The following TLR2 variants were observed in gnomAD, a reference collection of about 807,000 sequenced individuals.
The protein encoded by TLR2 is toll like receptor 2.
TLR2 carries 7 observed loss-of-function variants against 9.1 expected under a neutral mutation model. The observed-to-expected ratio is 0.77, with a 90% CI of 0.44 to 1.44. The LOEUF (loss-of-function observed/expected upper bound fraction) is 1.44, where lower values mean the gene tolerates loss of function less well. TLR2 is among the 40% of genes most tolerant of loss of function. TLR2 has a pLI of 0.01. For missense variants in TLR2, 812 were observed against 904.6 expected, an observed-to-expected ratio of 0.90 and a Z score of 1.31; for synonymous variants, 317 against 344.6, an observed-to-expected ratio of 0.92 and a Z score of 0.89.
At chr4:153,696,239 G>A (rs1035091697) in intron 2 of TLR2, among the ~76,000 whole-genome samples, 16 of 152,152 alleles carry the variant, frequency 1.1e-4, no homozygotes, top group South Asian at 4.1e-4. Context: ...ATTTTGATAG[G>A]AACTGCATTA....
At chr4:153,694,576 A>G (rs1736357169) in intron 2 of TLR2, among the ~76,000 whole-genome samples, 1 of 152,220 alleles carries the variant, frequency 6.6e-6, no homozygotes, top group African/African-American at 2.4e-5. Context: ...GTATATATTT[A>G]TGGGGCACTT....
chr4:153,707,277 A>T (rs1166772198), downstream of TLR2, among the ~76,000 whole-genome samples: 1 of 152,132 alleles, frequency 6.6e-6, no homozygotes, highest in East Asian at 1.9e-4. Flanking sequence ...CCTTAAAAAA[A>T]ATCAGGCTTG....
downstream of TLR2, among the ~76,000 whole-genome samples, chr4:153,709,395 G>A (rs757542878): frequency 4.6e-5 from 7 of 152,194 alleles, no homozygotes; most frequent in Non-Finnish European, 1.0e-4. Flanking sequence ...AAAATGACCA[G>A]TAATTCAAAA....
intron 2 of TLR2, among the ~76,000 whole-genome samples, chr4:153,697,469 C>G (rs1736585383): frequency 6.6e-6 from 1 of 152,084 alleles, no homozygotes; most frequent in Admixed American, 6.6e-5. Flanking sequence ...AATTATGTGG[C>G]TTTCTTTATT....
intron 1 of TLR2, among the ~76,000 whole-genome samples, chr4:153,684,654 G>A (rs1364470171): frequency 3.3e-5 from 5 of 152,328 alleles, no homozygotes; most frequent in African/African-American, 1.2e-4. Context: ...GAGCCCGAGG[G>A]TCCTGCAGAG....
At chr4:153,692,548 T>TG (rs1324541508) in intron 2 of TLR2, among the ~76,000 whole-genome samples, 1 of 152,160 alleles carries the variant, frequency 6.6e-6, no homozygotes, top group African/African-American at 2.4e-5. Flanking sequence ...TCCTAAACCT[T>TG]GGTGGGAACT....
At chr4:153,702,790 GTGTGTGTGTGTGTGTGTT>G in intron 2 of TLR2, 84 bp from the exon 3 acceptor site, 1 of 636,246 alleles carries the variant, frequency 1.6e-6, no homozygotes. Context: ...GTGTGTGTGT[GTGTGTGTGTGTGTGTGTT>G]ATGCCTAGAA....
At chr4:153,694,170 G>A (rs1736325572) in intron 2 of TLR2, among the ~76,000 whole-genome samples, 1 of 152,240 alleles carries the variant, frequency 6.6e-6, no homozygotes, top group Non-Finnish European at 1.5e-5. Flanking sequence ...ACAAAGCGAT[G>A]GGCTCTGGCT....
In TLR2 at chr4:153,704,800, C is replaced by T. The variant is rs139028096; in HGVS notation, c.1893C>T (p.Pro631=). The T allele has an allele frequency of 3.7e-6, 6 of 1,613,972 alleles. No homozygotes were observed. The highest frequency in any genetic ancestry group is 3.4e-6 in the Non-Finnish European group (4 of 1,179,982). Residue 631 remains proline, a synonymous_variant, in exon 3 of 3, where the codon CCC becomes CCT. Transcript: ENST00000642700. ...CCTGGCTCCAGGCCAAAAGGAAGCCCAGGAAAGCTCCCAGCAGGAACATCT... is the reference window on the plus strand; with the variant it reads ...CCTGGCTCCAGGCCAAAAGGAAGCCTAGGAAAGCTCCCAGCAGGAACATCT... The part of the protein sequence containing the change: ...MWAWLQAKRK[P]RKAPSRNICY...
chr4:153,704,555 G>A lies in TLR2; in HGVS notation c.1648G>A (p.Ala550Thr), dbSNP rs1222353554. 1.2e-6 allele frequency: 2 copies of A among 1,613,752 alleles called. No homozygotes were observed. The highest frequency in any genetic ancestry group is 1.1e-5 in the South Asian group (1 of 91,056). ...EFLSFTQEQQ[A>T]LAKVLIDWPA... The stretch of plus-strand genomic sequence containing the variant: ...CCTCTCCTTCACTCAGGAGCAGCAA[G>A]CACTGGCCAAAGTCTTGATTGATTG... Residue 550 changes from alanine to threonine, a missense_variant, in exon 3 of 3, where the codon GCA becomes ACA. Physicochemically the swap from Ala to Thr is moderately conservative, Grantham distance 58. Coordinates refer to ENST00000642700, the MANE Select transcript of TLR2 (RefSeq NM_001318789.2).
downstream of TLR2, among the ~76,000 whole-genome samples, chr4:153,706,701 C>A (rs969051503): frequency 3.9e-5 from 6 of 152,216 alleles, no homozygotes; most frequent in Non-Finnish European, 5.9e-5. Context: ...GAGCCTTTGA[C>A]CCCTGCTCAA....
chr4:153,685,885 C>T (rs764775518), intron 1 of TLR2, among the ~76,000 whole-genome samples: 46 of 152,124 alleles, frequency 3.0e-4, no homozygotes, highest in Admixed American at 1.2e-3. Context: ...TAACAAAATA[C>T]CTGAGACTGG....
At position 153,703,170 on chromosome 4, in the gene TLR2, T is replaced by C. The variant is rs370767436; in HGVS notation, c.263T>C (p.Ile88Thr). The C allele has an allele frequency of 2.5e-6, 4 of 1,614,222 alleles. No homozygotes were observed. Among genetic ancestry groups the C allele is most frequent in the Middle Eastern group, 1.6e-4 (1 of 6,062 alleles). The change falls in exon 3 of 3, where the codon ATT becomes ACT. Residue 88 changes from isoleucine to threonine, a missense_variant. Transcript: ENST00000642700. Reference sequence around the variant, plus strand: ...GCTCTGGTGCTGACATCCAATGGAATTAACACAATAGAGGAAGATTCTTTT... The same window carrying C: ...GCTCTGGTGCTGACATCCAATGGAACTAACACAATAGAGGAAGATTCTTTT... Reference protein sequence around the residue: ...LQALVLTSNGINTIEEDSFSS... With the variant: ...LQALVLTSNGTNTIEEDSFSS...
chr4:153,704,833 T>G lies in TLR2; in HGVS notation c.1926T>G (p.Asp642Glu). ...CTCCCAGCAGGAACATCTGCTATGA[T>G]GCATTTGTTTCTTACAGTGAGCGGG... is the stretch of plus-strand genomic sequence containing the variant. Reference protein sequence around the residue: ...RKAPSRNICYDAFVSYSERDA... With the variant: ...RKAPSRNICYEAFVSYSERDA... Residue 642 changes from aspartate to glutamate, a missense_variant, in exon 3 of 3, where the codon GAT becomes GAG. Asp to Glu is a conservative substitution (Grantham distance 45, BLOSUM62 2). Transcript: ENST00000642700. 1 of 1,614,086 alleles carries G rather than the reference T, an allele frequency of 6.2e-7. No homozygotes were observed. Among genetic ancestry groups the G allele is most frequent in the Non-Finnish European group, 8.5e-7 (1 of 1,179,998 alleles).
chr4:153,687,825 T>C (rs941474189), intron 1 of TLR2, 77 bp from the exon 2 acceptor site: 3 of 152,200 alleles, frequency 2.0e-5, no homozygotes, highest in Admixed American at 2.0e-4. Context: ...TCTGAAACTT[T>C]TGTGAATCTG....
intron 2 of TLR2, among the ~76,000 whole-genome samples, chr4:153,691,452 C>T (rs1736109058): frequency 6.6e-6 from 1 of 152,160 alleles, no homozygotes; most frequent in Admixed American, 6.5e-5. Context: ...GAGTTAGAGT[C>T]TGTGAATTAG....
chr4:153,692,266 C>G (rs957227701), intron 2 of TLR2, among the ~76,000 whole-genome samples: 5 of 152,104 alleles, frequency 3.3e-5, no homozygotes, highest in African/African-American at 1.2e-4. Flanking sequence ...CTGCAATGTC[C>G]CCATAGGTTG....
chr4:153,685,261 A>G (rs976157256), intron 1 of TLR2, among the ~76,000 whole-genome samples: 1 of 152,326 alleles, frequency 6.6e-6, no homozygotes, highest in East Asian at 1.9e-4. Context: ...ACTTCTATAA[A>G]TATGAACTTG....
At chr4:153,710,058 C>A, downstream of TLR2, 2 of 197,458 alleles carry the variant, frequency 1.0e-5, no homozygotes, top group South Asian at 1.2e-4. Context: ...CTTTGCAAAC[C>A]TCTGAAACAC....
Sources: allele counts gnomAD v4.1 joint callset (sites outside exome capture counted in the v4.1 genomes callset), GRCh38; gene constraint gnomAD v4.1.1; transcripts MANE v1.5; gene names NCBI Gene and HGNC (gene_info 2026-07-23, HGNC 2026-07-21).